The following ZNF782 variants were observed in gnomAD, a reference collection of about 807,000 sequenced individuals.
ZNF782 encodes zinc finger protein 782.
A neutral mutation model predicts 13.0 loss-of-function variants in ZNF782; 12 were observed. That is an observed-to-expected ratio of 0.92 (90% CI 0.59 to 1.50). The LOEUF is 1.50. ZNF782 is among the 40% of genes most tolerant of loss of function. ZNF782 has a pLI of 0.00. For missense variants in ZNF782, 770 were observed against 822.9 expected (o/e 0.94, Z 0.79); for synonymous variants, 284 against 283.0 (o/e 1.00, Z -0.04).
chr9:96,842,686 C>A (rs1851224841), intron 4 of ZNF782, among the ~76,000 whole-genome samples: 1 of 152,038 alleles, frequency 6.6e-6, no homozygotes, highest in Non-Finnish European at 1.5e-5. Flanking sequence ...AACATTTTTA[C>A]AAAACTGATA....
rs747969531 is a variant in ZNF782, at chr9:96,818,020, T to C, written c.2003A>G (p.His668Arg). 6.2e-7 allele frequency: 1 copy of C among 1,613,662 alleles called. No homozygotes were observed. The highest frequency in any genetic ancestry group is 8.5e-7 in the Non-Finnish European group (1 of 1,179,558). Residue 668 changes from histidine (H) to arginine (R), a missense_variant, in exon 6 of 6, where the codon CAC becomes CGC. Physicochemically the swap from His to Arg is conservative, Grantham distance 29. Coordinates refer to ENST00000481138, the MANE Select transcript of ZNF782 (RefSeq NM_001001662.3). Reference sequence around the variant, plus strand: ...ACATTTATAGGGTTTCTCCCCTGTGTGAGTTCTCTGATGTACTCTGAGATT... The same window carrying C: ...ACATTTATAGGGTTTCTCCCCTGTGCGAGTTCTCTGATGTACTCTGAGATT... ...KSNLRVHQRT[H>R]TGEKPYKCDK...
chr9:96,920,399 T>C, the ZNF782 span, among the ~76,000 whole-genome samples: 4 of 149,864 alleles, frequency 2.7e-5, no homozygotes, highest in Admixed American at 2.7e-4. Flanking sequence ...CCCGAGTAGC[T>C]GGGACTACAG....
At chr9:96,910,746 C>T in the ZNF782 span, among the ~76,000 whole-genome samples, 3 of 148,814 alleles carry the variant, frequency 2.0e-5, no homozygotes, top group Admixed American at 6.7e-5. Flanking sequence ...ATGCCATTCT[C>T]CTGCCTCAGC....
At chr9:96,827,521 T>C (rs981125991) in intron 4 of ZNF782, among the ~76,000 whole-genome samples, 1 of 152,016 alleles carries the variant, frequency 6.6e-6, no homozygotes, top group African/African-American at 2.4e-5. Context: ...TTTGTAAAGA[T>C]AGAGTCGAAT....
At chr9:96,854,603 GC>G (rs563782885), upstream of ZNF782, 8 of 152,380 alleles carry the variant, frequency 5.3e-5, no homozygotes, top group Admixed American at 4.6e-4. Flanking sequence ...TTTCCCATAA[GC>G]TCTTGCGTCC....
At chr9:96,931,909 G>A in the ZNF782 span, 14 of 1,612,052 alleles carry the variant, frequency 8.7e-6, no homozygotes, top group African/African-American at 1.9e-4. Flanking sequence ...TGGCAGGACA[G>A]GATGGCCGCG....
intron 2 of ZNF782, among the ~76,000 whole-genome samples, chr9:96,852,209 G>C (rs1482417736): frequency 6.6e-6 from 1 of 152,206 alleles, no homozygotes; most frequent in Non-Finnish European, 1.5e-5. Flanking sequence ...TTAAACTGCT[G>C]TTTTTTATTG....
the ZNF782 span, among the ~76,000 whole-genome samples, chr9:96,899,250 CA>C: frequency 1.3e-5 from 2 of 148,434 alleles, no homozygotes; most frequent in Non-Finnish European, 1.5e-5. Context: ...GACTCCATCT[CA>C]AAAAAAAAAT....
At chr9:96,882,575 T>C in the ZNF782 span, among the ~76,000 whole-genome samples, 2 of 152,192 alleles carry the variant, frequency 1.3e-5, no homozygotes, top group African/African-American at 4.8e-5. Flanking sequence ...AAAAAGGTGA[T>C]AGTATTATAC....
At chr9:96,866,693 C>T (rs1241378941) in intron 1 of ZNF782, among the ~76,000 whole-genome samples, 2 of 151,772 alleles carry the variant, frequency 1.3e-5, no homozygotes, top group African/African-American at 4.9e-5. Context: ...AAAAACCCCA[C>T]TCAATGCCAG....
intron 4 of ZNF782, among the ~76,000 whole-genome samples, chr9:96,836,491 A>G (rs1262126697): frequency 1.3e-5 from 2 of 152,164 alleles, no homozygotes; most frequent in Admixed American, 6.5e-5. Flanking sequence ...GTGAGCCACC[A>G]TGCCTGCCCA....
Position 96,831,754 on chromosome 9 carries a change from T to C in ZNF782, c.143-4573A>G, listed in dbSNP as rs372060513. Among the ~76,000 whole-genome samples the C allele has an allele frequency of 2.9e-4, 44 of 152,084 alleles. 1 individual carries two copies. In the South Asian group the frequency reaches 9.1e-3, roughly 32 times the overall value. ...TTGCTGTCTTCTTGGCAGACTGACA[T>C]GTAACATCACTCTGTTACCAATAAT... On this transcript the variant is annotated intron_variant, in intron 4 of 5. Coordinates refer to ENST00000481138, the MANE Select transcript of ZNF782 (RefSeq NM_001001662.3).
chr9:96,882,935 A>T, the ZNF782 span, among the ~76,000 whole-genome samples: 8 of 152,156 alleles, frequency 5.3e-5, no homozygotes, highest in African/African-American at 1.9e-4. Context: ...GATTTGGATA[A>T]TCCATGAAAA....
intron 2 of ZNF782, 56 bp from the exon 3 acceptor site, chr9:96,852,061 T>C: frequency 1.7e-6 from 2 of 1,205,922 alleles, no homozygotes; most frequent in South Asian, 2.5e-5. Context: ...AGCTCCTAGA[T>C]TAGCCTCCCC....
upstream of ZNF782, among the ~76,000 whole-genome samples, chr9:96,879,155 T>A (rs772483661): frequency 6.6e-6 from 1 of 152,124 alleles, no homozygotes; most frequent in African/African-American, 2.4e-5. Context: ...ATAAAAGAGA[T>A]AAAAATCCTC....
chr9:96,827,027 G>C (rs1320812613), intron 5 of ZNF782, 53 bp downstream of exon 5: 2 of 1,175,500 alleles, frequency 1.7e-6, no homozygotes, highest in Non-Finnish European at 2.5e-6. Context: ...TGAGTTGTGT[G>C]AGTACTCCTA....
At chr9:96,933,331 G>C in the ZNF782 span, among the ~76,000 whole-genome samples, 88 of 151,596 alleles carry the variant, frequency 5.8e-4, no homozygotes, top group African/African-American at 1.6e-3. Flanking sequence ...GGTCAGAGAG[G>C]GTTCTTGGTG....
chr9:96,885,549 A>G, the ZNF782 span, among the ~76,000 whole-genome samples: 1 of 152,166 alleles, frequency 6.6e-6, no homozygotes, highest in Non-Finnish European at 1.5e-5. Flanking sequence ...ATCCAGTAGG[A>G]GAGAGAGGCA....
At chr9:96,917,887 C>CGTGTGTGTGTCTGTGTGT in the ZNF782 span, among the ~76,000 whole-genome samples, 19 of 121,720 alleles carry the variant, frequency 1.6e-4, no homozygotes, top group Middle Eastern at 3.8e-3. Context: ...CCACCCTTGG[C>CGTGTGTGTGTCTGTGTGT]GTGTGTGTGT....
Sources: allele counts gnomAD v4.1 joint callset (sites outside exome capture counted in the v4.1 genomes callset), GRCh38; gene constraint gnomAD v4.1.1; transcripts MANE v1.5; gene names NCBI Gene and HGNC (gene_info 2026-07-23, HGNC 2026-07-21).